The following ADGRL2 variants were observed in gnomAD, a reference collection of about 807,000 sequenced individuals.
The protein encoded by ADGRL2 is calcium-independent alpha-latrotoxin receptor 2.
Under a neutral mutation model 157.4 loss-of-function variants are expected in ADGRL2, and 44 were observed. That is an observed-to-expected ratio of 0.28 (90% confidence interval 0.22 to 0.36). ADGRL2 has a LOEUF of 0.36. Ranked by LOEUF, ADGRL2 falls within the 10% of genes least tolerant of loss-of-function variation. ADGRL2 has a pLI of 1.00. For synonymous variants in ADGRL2, 585 were observed against 624.7 expected (o/e 0.94, Z 0.95); for missense variants, 1,510 against 1,768.9 (o/e 0.85, Z 2.63).
chr1:81,898,064 T>G (rs1386980758), intron 2 of ADGRL2, among the ~76,000 whole-genome samples: 1 of 152,082 alleles, frequency 6.6e-6, no homozygotes, highest in African/African-American at 2.4e-5. Flanking sequence ...GAACTATGAT[T>G]GTACCACTGC....
At chr1:81,768,865 G>T (rs2086241017) in intron 2 of ADGRL2, among the ~76,000 whole-genome samples, 1 of 152,106 alleles carries the variant, frequency 6.6e-6, no homozygotes, top group Non-Finnish European at 1.5e-5. Flanking sequence ...CAGATCACTT[G>T]AGGTCAGGAG....
intron 2 of ADGRL2, among the ~76,000 whole-genome samples, chr1:81,503,796 C>T (rs557113268): frequency 1.1e-4 from 17 of 152,140 alleles, no homozygotes; most frequent in African/African-American, 1.9e-4. Flanking sequence ...ATCTGTCAGC[C>T]GACACAGGGC....
intron 2 of ADGRL2, among the ~76,000 whole-genome samples, chr1:81,495,632 G>A (rs556226557): frequency 6.6e-6 from 1 of 152,176 alleles, no homozygotes; most frequent in East Asian, 1.9e-4. Context: ...TAATTGATGA[G>A]CAGAAATCAT....
chr1:81,801,463 A>T (rs964663667), intron 1 of ADGRL2, among the ~76,000 whole-genome samples: 1 of 152,024 alleles, frequency 6.6e-6, no homozygotes, highest in South Asian at 2.1e-4. Context: ...GCTCACACAC[A>T]CGCAGAGGTG....
chr1:81,805,167 T>A (rs2088929593), intron 1 of ADGRL2, among the ~76,000 whole-genome samples: 1 of 152,146 alleles, frequency 6.6e-6, no homozygotes, highest in South Asian at 2.1e-4. Flanking sequence ...CTTTTTTATG[T>A]TTACAGAGAG....
chr1:81,451,486 T>C (rs796852244), intron 2 of ADGRL2, among the ~76,000 whole-genome samples: 6 of 152,298 alleles, frequency 3.9e-5, no homozygotes, highest in African/African-American at 1.4e-4. Flanking sequence ...TTTTTTGTAT[T>C]TCTTTCTAGC....
intron 3 of ADGRL2, among the ~76,000 whole-genome samples, chr1:81,600,787 C>T (rs899283093): frequency 5.3e-5 from 8 of 152,270 alleles, no homozygotes; most frequent in Middle Eastern, 3.4e-3. Context: ...GAGGACCACA[C>T]TTTAGATCAC....
intron 11 of ADGRL2, among the ~76,000 whole-genome samples, chr1:81,959,203 T>C (rs1654549724): frequency 6.6e-6 from 1 of 152,212 alleles, no homozygotes; most frequent in Non-Finnish European, 1.5e-5. Flanking sequence ...TTAGTGGTTC[T>C]TGGAGGCATC....
At chr1:81,815,138 ATCACTGAGT>A (rs1270894953) in intron 1 of ADGRL2, among the ~76,000 whole-genome samples, 1 of 151,828 alleles carries the variant, frequency 6.6e-6, no homozygotes, top group African/African-American at 2.4e-5. Flanking sequence ...AAATTACTTA[ATCACTGAGT>A]TTTTATGTCA....
At chr1:81,935,448 C>T (rs141440867) in intron 3 of ADGRL2, among the ~76,000 whole-genome samples, 333 of 152,024 alleles carry the variant, frequency 2.2e-3, no homozygotes, top group African/African-American at 7.7e-3. Flanking sequence ...GGCTTTGCTG[C>T]TCTTCAAAGA....
At chr1:81,544,252 C>T (rs74370883) in intron 2 of ADGRL2, among the ~76,000 whole-genome samples, 2,717 of 152,156 alleles carry the variant, frequency 0.018, 84 homozygotes, top group African/African-American at 0.062. Flanking sequence ...AAATAATTTG[C>T]TCTAATTTCT....
intron 1 of ADGRL2, among the ~76,000 whole-genome samples, chr1:81,820,412 T>C (rs955518891): frequency 2.6e-5 from 4 of 152,164 alleles, no homozygotes; most frequent in Non-Finnish European, 4.4e-5. Context: ...CAGTGCTTAA[T>C]AAAGCTTCAT....
chr1:81,911,968 T>C (rs990437383), intron 3 of ADGRL2, among the ~76,000 whole-genome samples: 1 of 151,828 alleles, frequency 6.6e-6, no homozygotes, highest in African/African-American at 2.4e-5. Context: ...CCTGGCTCCT[T>C]CAAAGCTTTT....
At chr1:81,492,544 G>C (rs1282272553) in intron 2 of ADGRL2, among the ~76,000 whole-genome samples, 1 of 152,094 alleles carries the variant, frequency 6.6e-6, no homozygotes, top group Non-Finnish European at 1.5e-5. Context: ...GCATAAATTA[G>C]AAATACTTGG....
chr1:81,456,556 A>G (rs577899291), intron 2 of ADGRL2, among the ~76,000 whole-genome samples: 223 of 152,150 alleles, frequency 1.5e-3, no homozygotes, highest in African/African-American at 5.1e-3. Context: ...TATTCAAGTC[A>G]TTATTTATGT....
At chr1:81,565,204 G>A (rs1422012681) in intron 2 of ADGRL2, among the ~76,000 whole-genome samples, 1 of 152,110 alleles carries the variant, frequency 6.6e-6, no homozygotes, top group Non-Finnish European at 1.5e-5. Flanking sequence ...TGTGATTCAG[G>A]GACATAGTGC....
At chr1:81,531,530 G>C (rs2079598933) in intron 2 of ADGRL2, among the ~76,000 whole-genome samples, 1 of 152,126 alleles carries the variant, frequency 6.6e-6, no homozygotes. Flanking sequence ...ATCTTAAGAA[G>C]AAAACCAAAC....
intron 3 of ADGRL2, among the ~76,000 whole-genome samples, chr1:81,611,710 G>A (rs891816432): frequency 6.6e-6 from 1 of 152,082 alleles, no homozygotes; most frequent in Non-Finnish European, 1.5e-5. Context: ...AACCACCTGG[G>A]GGGCTTTAAT....
intron 1 of ADGRL2, among the ~76,000 whole-genome samples, chr1:81,389,181 C>T (rs2076491395): frequency 6.6e-6 from 1 of 152,138 alleles, no homozygotes; most frequent in Non-Finnish European, 1.5e-5. Flanking sequence ...GCATGAAAAT[C>T]TCTCTGAATA....
Sources: gnomAD v4.1 joint callset for allele counts (sites outside exome capture counted in the v4.1 genomes callset) on GRCh38, gnomAD v4.1.1 for gene constraint, MANE v1.5 for transcripts, NCBI Gene and HGNC (gene_info 2026-07-23, HGNC 2026-07-21) for gene names.